Variants in MYO1F observed in about 807,000 individuals in gnomAD.
The protein encoded by MYO1F is myosin IF, also known as unconventional myosin-If.
Under a neutral mutation model 146.6 loss-of-function variants are expected in MYO1F, and 60 were observed. That is an observed-to-expected ratio of 0.41 (90% CI 0.33 to 0.51). The LOEUF is 0.51. Among genes scored for constraint, MYO1F ranks in the 20% least tolerant of loss-of-function variants. MYO1F has a pLI of 0.25. For synonymous variants in MYO1F, 602 were observed against 602.1 expected, an observed-to-expected ratio of 1.00 and a Z score of 0.00; for missense variants, 1,274 against 1,534.3, an observed-to-expected ratio of 0.83 and a Z score of 2.83.
intron 10 of MYO1F, among the ~76,000 whole-genome samples, chr19:8,548,569 G>A (rs970943384): frequency 6.6e-6 from 1 of 151,616 alleles, no homozygotes; most frequent in African/African-American, 2.4e-5. Flanking sequence ...CTCTGCCCCT[G>A]AACCTCTCTG....
chr19:8,540,079 G>A (rs751398791), intron 15 of MYO1F, 51 bp from the exon 16 acceptor site: 1 of 1,481,192 alleles, frequency 6.8e-7, no homozygotes, highest in Admixed American at 1.8e-5. Context: ...AGACTTTCGG[G>A]TACTCTTCCT....
At chr19:8,560,950 G>T (rs1390840137) in intron 1 of MYO1F, among the ~76,000 whole-genome samples, 1 of 151,922 alleles carries the variant, frequency 6.6e-6, no homozygotes, top group Non-Finnish European at 1.5e-5. Context: ...TATTAGCCAG[G>T]ATGGTCTCAA....
At chr19:8,569,445 G>A (rs899887845) in intron 1 of MYO1F, among the ~76,000 whole-genome samples, 2 of 152,066 alleles carry the variant, frequency 1.3e-5, no homozygotes, top group African/African-American at 4.8e-5. Flanking sequence ...AACCTTCCTG[G>A]TATCACACCA....
chr19:8,547,500 A>C (rs966439834), intron 12 of MYO1F, among the ~76,000 whole-genome samples: 1 of 150,566 alleles, frequency 6.6e-6, no homozygotes, highest in Admixed American at 6.7e-5. Context: ...GCTGCTCGGG[A>C]GGCTGAGGCA....
intron 21 of MYO1F, among the ~76,000 whole-genome samples, chr19:8,528,532 C>T (rs897825972): frequency 3.9e-5 from 6 of 152,042 alleles, no homozygotes; most frequent in African/African-American, 9.7e-5. Context: ...TGACTCAACA[C>T]ACACACACAA....
intron 24 of MYO1F, 101 bp downstream of exon 24, chr19:8,526,352 T>A: frequency 6.9e-7 from 1 of 1,447,672 alleles, no homozygotes; most frequent in Non-Finnish European, 9.3e-7. Context: ...CTCAAAAGTC[T>A]CTCTCTCTCT....
At chr19:8,522,023 CTTTTTTT>C (rs34105946) in intron 27 of MYO1F, among the ~76,000 whole-genome samples, 2 of 133,400 alleles carry the variant, frequency 1.5e-5, no homozygotes. Context: ...AGTCAGGGTT[CTTTTTTT>C]TTTTTTTTTT....
Position 8,536,515 on chromosome 19 carries a change from C to T in MYO1F, c.1882G>A (p.Ala628Thr), listed in dbSNP as rs776718917. 9.3e-6 allele frequency: 15 copies of T among 1,612,908 alleles called. No homozygotes were observed. The highest frequency in any genetic ancestry group is 2.2e-5 in the East Asian group (1 of 44,822). ...RAGFAYRRQF[A>T]KFLQRYAILT... ...GCTCCTCACCTCTGCAGGAATTTGG[C>T]GAACTGGCGGCGGTAGGCGAAGCCG... Residue 628 changes from alanine to threonine, a missense_variant, in exon 18 of 28, where the codon GCC becomes ACC. Ala to Thr is a moderately conservative substitution (Grantham distance 58, BLOSUM62 0). Transcript: ENST00000644032.
At chr19:8,571,193 G>A (rs886708520) in intron 1 of MYO1F, among the ~76,000 whole-genome samples, 6 of 152,156 alleles carry the variant, frequency 3.9e-5, no homozygotes, top group South Asian at 2.1e-4. Context: ...TGTGGTTGCC[G>A]GGAGGAGAGC....
intron 1 of MYO1F, 143 bp from the exon 2 acceptor site, chr19:8,555,939 AG>A: frequency 1.1e-6 from 1 of 888,582 alleles, no homozygotes; most frequent in Non-Finnish European, 1.7e-6. Context: ...AGAGGCTGGC[AG>A]GGTCCAAGCC....
intron 1 of MYO1F, among the ~76,000 whole-genome samples, chr19:8,561,392 T>TCCTTCCTTCCTTTCTCCTCTC (rs201662136): frequency 9.6e-6 from 1 of 104,054 alleles, no homozygotes; most frequent in Non-Finnish European, 2.0e-5. Flanking sequence ...CCCCCTTCTT[T>TCCTTCCTTCCTTTCTCCTCTC]CCTTCCTTCC....
At chr19:8,574,705 CTTTCTT>C (rs1488284485) in intron 1 of MYO1F, among the ~76,000 whole-genome samples, 2 of 145,126 alleles carry the variant, frequency 1.4e-5, no homozygotes, top group Non-Finnish European at 3.0e-5. Flanking sequence ...TTCTCTCTTT[CTTTCTT>C]TTTCTTTCTC....
intron 1 of MYO1F, among the ~76,000 whole-genome samples, chr19:8,568,193 G>A (rs980123753): frequency 1.3e-5 from 2 of 151,978 alleles, no homozygotes; most frequent in Admixed American, 6.6e-5. Flanking sequence ...GGAGGCCGAG[G>A]TGGGTGGATC....
At chr19:8,522,226 G>A (rs1953031014) in intron 27 of MYO1F, 151 bp downstream of exon 27, 2 of 990,624 alleles carry the variant, frequency 2.0e-6, no homozygotes, top group Non-Finnish European at 3.1e-6. Flanking sequence ...GTTTCACTGT[G>A]TTAGCCAGGA....
intron 18 of MYO1F, 36 bp from the exon 19 acceptor site, chr19:8,536,432 A>G (rs1237315163): frequency 5.0e-6 from 8 of 1,607,366 alleles, no homozygotes; most frequent in African/African-American, 1.3e-5. Flanking sequence ...GAGTGCTCAT[A>G]GCAGACAGGC....
intron 18 of MYO1F, 35 bp from the exon 19 acceptor site, chr19:8,536,431 T>C (rs1193892026): frequency 6.2e-7 from 1 of 1,607,432 alleles, no homozygotes; most frequent in Admixed American, 1.7e-5. Context: ...GGAGTGCTCA[T>C]AGCAGACAGG....
chr19:8,551,098 C>T (rs117551866), intron 8 of MYO1F, among the ~76,000 whole-genome samples: 3,747 of 151,088 alleles, frequency 0.025, 59 homozygotes, highest in Non-Finnish European at 0.039. Context: ...TTCACCCAGG[C>T]GGGAGTGCAG....
chr19:8,549,865 A>G (rs991218606), intron 10 of MYO1F: 4 of 506,842 alleles, frequency 7.9e-6, no homozygotes, highest in African/African-American at 1.9e-5. Flanking sequence ...CAATAGCGCA[A>G]TCATAGCTCA....
chr19:8,532,313 G>A (rs1049095475), intron 19 of MYO1F, among the ~76,000 whole-genome samples: 4 of 152,138 alleles, frequency 2.6e-5, no homozygotes, highest in African/African-American at 9.7e-5. Flanking sequence ...AGTTGTAAAA[G>A]TCTAGACCCA....
Sources: gnomAD v4.1 joint callset for allele counts (sites outside exome capture counted in the v4.1 genomes callset) on GRCh38, gnomAD v4.1.1 for gene constraint, MANE v1.5 for transcripts, NCBI Gene and HGNC (gene_info 2026-07-23, HGNC 2026-07-21) for gene names.